Variants in CAPG observed in about 807,000 individuals in gnomAD.
CAPG encodes the protein macrophage-capping protein.
CAPG carries 32 observed loss-of-function variants against 44.6 expected under a neutral mutation model. The ratio of observed to expected loss-of-function variants is 0.72; its 90% CI spans 0.54 to 0.96. The LOEUF is 0.96. CAPG is among the 50% of genes least tolerant of loss of function. The pLI is 0.00. For missense variants in CAPG, 412 were observed against 438.3 expected (o/e 0.94, Z 0.54); for synonymous variants, 175 against 179.6 (o/e 0.97, Z 0.20).
chr2:85,406,775 T>G (rs1179712306), intron 1 of CAPG, among the ~76,000 whole-genome samples: 2 of 151,716 alleles, frequency 1.3e-5, no homozygotes. Flanking sequence ...GGAGAATCAC[T>G]TGAACCCGGA....
In CAPG at chr2:85,399,192, CCT is replaced by C. The variant is rs1271562264; in HGVS notation, c.608_609del (p.Gln203ArgfsTer10). 1 of 1,614,258 alleles carries C rather than the reference CCT, an allele frequency of 6.2e-7. No homozygotes were observed. The highest frequency in any genetic ancestry group is 1.3e-5 in the African/African-American group (1 of 75,074). ...GTGACAATCTCCACCTGGGCCTTGC[CCT>C]GTCGCTCACTGTCCCGGATGGCCAG... Reference protein sequence around the residue: ...LALAIRDSERQGKAQVEIVTD... With the variant: ...LALAIRDSERXGKAQVEIVTD... On this transcript the variant is annotated frameshift_variant, in exon 6 of 10. Transcript: ENST00000263867. LOFTEE classifies it high-confidence loss of function.
At chr2:85,411,516 G>C (rs545650776), upstream of CAPG, among the ~76,000 whole-genome samples, 1 of 152,160 alleles carries the variant, frequency 6.6e-6, no homozygotes, top group Non-Finnish European at 1.5e-5. Flanking sequence ...AAGGATGAGC[G>C]GACTCAGTAT....
At chr2:85,399,807 T>G (rs1031091348) in intron 5 of CAPG, among the ~76,000 whole-genome samples, 1 of 148,286 alleles carries the variant, frequency 6.7e-6, no homozygotes, top group Non-Finnish European at 1.5e-5. Context: ...AATGGTACAA[T>G]CTCAGCTCAC....
rs1686513663 is a variant in CAPG at position 85,394,932 on chromosome 2, C to G, written c.1008G>C (p.Glu336Asp). The change falls in exon 10 of 10, where the codon GAG (glutamate) becomes GAC (aspartate). Residue 336 changes from glutamate (E) to aspartate (D), a missense_variant. Physicochemically the swap from Glu to Asp is conservative, Grantham distance 45. Transcript: ENST00000263867. Reference protein sequence around the residue: ...TQVEILPQGHESPIFKQFFKD... With the variant: ...TQVEILPQGHDSPIFKQFFKD... Reference sequence around the variant, plus strand: ...TGAAAAATTGCTTGAAGATGGGACTCTCATGGCCCTGAGGCAGAATCTCCA... The same window carrying G: ...TGAAAAATTGCTTGAAGATGGGACTGTCATGGCCCTGAGGCAGAATCTCCA... 2 of 1,613,646 alleles carry G rather than the reference C, an allele frequency of 1.2e-6. No individual in the cohort carries two copies. Among genetic ancestry groups the G allele is most frequent in the Non-Finnish European group, 1.7e-6 (2 of 1,179,546 alleles).
Position 85,398,799 on chromosome 2 carries a change from AG to A in CAPG, c.667-18del. The A allele has an allele frequency of 3.8e-6, 6 of 1,575,262 alleles. No homozygotes were observed. The highest frequency in any genetic ancestry group is 5.2e-6 in the Non-Finnish European group (6 of 1,156,394). On this transcript the variant is annotated intron_variant, in intron 6 of 9. Transcript: ENST00000263867. ...GCCCAGGACCTGCAGGGGCCAGGGC[AG>A]GCCAGGTTTATAGGGACCCCTGCCC... is the stretch of plus-strand genomic sequence containing the variant.
intron 1 of CAPG, among the ~76,000 whole-genome samples, chr2:85,418,031 T>C (rs1315604662): frequency 6.6e-6 from 1 of 152,146 alleles, no homozygotes; most frequent in Non-Finnish European, 1.5e-5. Flanking sequence ...CCCTCTGTAG[T>C]GGTGCCAAAT....
At chr2:85,414,598 CTT>C (rs35025820), upstream of CAPG, among the ~76,000 whole-genome samples, 9,189 of 145,010 alleles carry the variant, frequency 0.063, 386 homozygotes, top group Middle Eastern at 0.087. Flanking sequence ...CCCAGCTAAA[CTT>C]TTTTTTTTTT....
exon 1 of CAPG, chr2:85,418,322 CA>C (rs1687618251): frequency 6.6e-6 from 1 of 152,260 alleles, no homozygotes; most frequent in South Asian, 2.1e-4. Flanking sequence ...CAGAAAGTGC[CA>C]CCGGGAGCCC....
At position 85,401,629 on chromosome 2, in the gene CAPG, AG is replaced by A; in HGVS notation, c.250del (p.Leu84SerfsTer24). ...QGACAVLAVH[L>X]NTLLGERPVQ... ...AGGCCGCTCTCCCAGCAGCGTGTTG[AG>A]GTGCACAGCCAGCACGGCACAGGCC... On this transcript the variant is annotated frameshift_variant, in exon 4 of 10. Coordinates refer to ENST00000263867, the MANE Select transcript of CAPG (RefSeq NM_001747.4). LOFTEE classifies it high-confidence loss of function. 1 of 1,614,028 alleles carries A rather than the reference AG, an allele frequency of 6.2e-7. No homozygotes were observed. Among genetic ancestry groups the A allele is most frequent in the Non-Finnish European group, 8.5e-7 (1 of 1,179,960 alleles).
downstream of CAPG, among the ~76,000 whole-genome samples, chr2:85,393,721 T>C (rs1352995671): frequency 1.3e-5 from 2 of 152,110 alleles, no homozygotes; most frequent in Non-Finnish European, 2.9e-5. Flanking sequence ...TGCGCAACCA[T>C]GCCCGGCTAA....
intron 1 of CAPG, among the ~76,000 whole-genome samples, chr2:85,409,602 C>T (rs1573191709): frequency 6.6e-6 from 1 of 151,980 alleles, no homozygotes; most frequent in East Asian, 1.9e-4. Context: ...GAGGTAGGTG[C>T]CCACCCTCGA....
chr2:85,404,212 A>G (rs1358998304), intron 1 of CAPG, among the ~76,000 whole-genome samples: 2 of 151,380 alleles, frequency 1.3e-5, no homozygotes, highest in East Asian at 3.9e-4. Flanking sequence ...CCTGCTAAGT[A>G]TGTGCAATTA....
At chr2:85,393,777 T>C (rs1686471489), downstream of CAPG, among the ~76,000 whole-genome samples, 1 of 152,222 alleles carries the variant, frequency 6.6e-6, no homozygotes, top group Non-Finnish European at 1.5e-5. Context: ...TTGGCCAGAC[T>C]GGTCTCAAAC....
chr2:85,394,705 C>G, downstream of CAPG: 1 of 649,210 alleles, frequency 1.5e-6, no homozygotes, highest in Non-Finnish European at 2.8e-6. Context: ...TGGGGATGAA[C>G]CCAGGTGAAT....
At chr2:85,402,307 A>G (rs1264486434) in intron 1 of CAPG, 149 bp from the exon 2 acceptor site, 5 of 656,976 alleles carry the variant, frequency 7.6e-6, no homozygotes, top group Non-Finnish European at 8.2e-6. Context: ...ATGCAGACAA[A>G]GAAAATGAGT....
chr2:85,393,713 C>T (rs565610220), downstream of CAPG, among the ~76,000 whole-genome samples: 35 of 152,166 alleles, frequency 2.3e-4, no homozygotes, highest in Non-Finnish European at 3.7e-4. Flanking sequence ...TACAGGCATG[C>T]GCAACCATGC....
rs1330222113 is a variant in CAPG at position 85,394,956 on chromosome 2, C to A, written c.984G>T (p.Val328=). The change falls in exon 10 of 10, where the codon GTG becomes GTT. Residue 328 remains valine (V), a splice_region_variant and synonymous_variant. Transcript: ENST00000263867. The part of the protein sequence containing the change: ...SRMQYAPNTQ[V]EILPQGHESP... ...TCTCATGGCCCTGAGGCAGAATCTC[C>A]ACCTGCAGGGACAGCGGGGGAGAAG... 6.2e-7 allele frequency: 1 copy of A among 1,610,668 alleles called. No homozygotes were observed. The highest frequency in any genetic ancestry group is 1.3e-5 in the African/African-American group (1 of 74,854).
rs146421047 is a variant in CAPG at position 85,398,450 on chromosome 2, C to T, written c.759+240G>A. ...AGAAAGAAAAGCTCAGCATTGGCTT[C>T]AAGCCTTCACCAAGCATAGGCTGGA... On this transcript the variant is annotated intron_variant, in intron 7 of 9. Transcript: ENST00000263867. The T allele has an allele frequency of 1.5e-5, 9 of 590,706 alleles. No individual in the cohort carries two copies. In the East Asian group the frequency reaches 2.3e-4, roughly 15 times the overall value. The allele number at this position is 590,706 out of a possible 1,614,324, so 36.6% of individuals were successfully genotyped here. A position where few individuals can be genotyped will look rare whatever the true frequency, so the allele number is the denominator to read the frequency against.
At chr2:85,410,956 G>T (rs575588070), upstream of CAPG, among the ~76,000 whole-genome samples, 2 of 151,854 alleles carry the variant, frequency 1.3e-5, no homozygotes, top group East Asian at 3.9e-4. Flanking sequence ...GAACTCCTGG[G>T]CTCAAGCGAT....
Sources: allele counts gnomAD v4.1 joint callset (sites outside exome capture counted in the v4.1 genomes callset), GRCh38; gene constraint gnomAD v4.1.1; transcripts MANE v1.5; gene names NCBI Gene and HGNC (gene_info 2026-07-23, HGNC 2026-07-21).